Variants in CILP observed in about 807,000 individuals in gnomAD.
CILP encodes the protein cartilage intermediate layer protein, also known as cartilage intermediate layer protein 1.
Under a neutral mutation model 82.5 loss-of-function variants are expected in CILP, and 75 were observed. That is an observed-to-expected ratio of 0.91 (90% confidence interval 0.75 to 1.10). The LOEUF is 1.10. Among genes scored for constraint, CILP ranks in the 50% least tolerant of loss-of-function variants. The pLI, the probability that CILP is intolerant of heterozygous loss-of-function variation, is 0.00. For missense variants in CILP, 1,479 were observed against 1,530.8 expected (o/e 0.97, Z 0.56); for synonymous variants, 530 against 580.3 (o/e 0.91, Z 1.25).
intron 4 of CILP, among the ~76,000 whole-genome samples, chr15:65,206,073 TTATCC>T (rs1465410245): frequency 1.3e-5 from 2 of 152,104 alleles, no homozygotes; most frequent in Non-Finnish European, 2.9e-5. Flanking sequence ...AACATCTGTA[TTATCC>T]ATGGTGGGAG....
At chr15:65,209,636 G>T in intron 2 of CILP, 59 bp downstream of exon 2, 1 of 1,556,426 alleles carries the variant, frequency 6.4e-7, no homozygotes, top group Non-Finnish European at 8.9e-7. Flanking sequence ...TCCCAGACCA[G>T]ACACAACCTC....
rs769387336 is a variant in CILP, at chr15:65,198,223, T to C, written c.2063A>G (p.Lys688Arg). The change falls in exon 9 of 9, where the codon AAG becomes AGG. Residue 688 changes from lysine (K) to arginine (R), a missense_variant. Transcript: ENST00000261883. The part of the protein sequence containing the change: ...VKVHLDSTQV[K>R]MPEHISTVKL... ...CACTGTGGATATGTGCTCTGGCATCTTGACCTGGGTCGAGTCAAGGTGGAC... is the reference window on the plus strand; with the variant it reads ...CACTGTGGATATGTGCTCTGGCATCCTGACCTGGGTCGAGTCAAGGTGGAC... 3 of 1,614,168 alleles carry C rather than the reference T, an allele frequency of 1.9e-6. No homozygotes were observed. The highest frequency in any genetic ancestry group is 4.5e-5 in the East Asian group (2 of 44,902).
intron 8 of CILP, 121 bp downstream of exon 8, chr15:65,201,748 AAAG>A: frequency 3.7e-6 from 2 of 541,358 alleles, no homozygotes; most frequent in Non-Finnish European, 5.6e-6. Context: ...AAAAAAAAAA[AAAG>A]AAAGAAAGAA....
At chr15:65,203,182 T>C (rs1244275667) in intron 7 of CILP, among the ~76,000 whole-genome samples, 180 bp downstream of exon 7, 4 of 152,124 alleles carry the variant, frequency 2.6e-5, no homozygotes, top group Admixed American at 2.6e-4. Context: ...AGCTTGCTGG[T>C]TGTCTGGCTC....
rs560888120 is a variant in CILP, at chr15:65,195,762, G to A, written c.*969C>T. 3.3e-5 allele frequency: 5 copies of A among 152,328 alleles called. No individual in the cohort carries two copies. Among genetic ancestry groups the A allele is most frequent in the South Asian group, 4.1e-4 (2 of 4,830 alleles). 9.4% of individuals were successfully genotyped at this position (152,328 alleles called of 1,614,324 possible). ...AAGAAGGAAAGAAAAAAATCGGGAC[G>A]TGTTTTTAGTCTTGCTCAGGAGCCC... On this transcript the variant is annotated 3_prime_UTR_variant, in exon 9 of 9. Transcript: ENST00000261883.
intron 4 of CILP, among the ~76,000 whole-genome samples, chr15:65,206,002 A>G (rs1034992965): frequency 1.8e-4 from 27 of 152,144 alleles, no homozygotes; most frequent in African/African-American, 6.5e-4. Context: ...GGCCTGGGGG[A>G]TCTTGTGGAA....
In CILP at chr15:65,198,315, A is replaced by G. The variant is rs1424924855; in HGVS notation, c.1971T>C (p.Tyr657=). The change falls in exon 9 of 9, where the codon TAT becomes TAC. Residue 657 remains tyrosine, a synonymous_variant. Coordinates refer to ENST00000261883, the MANE Select transcript of CILP (RefSeq NM_003613.4). ...DEGDTFPLRT[Y]GMFSVDFRDE... is the part of the protein sequence containing the mutation. ...CTCTGAAGTCCACAGAGAACATGCCATACGTCCGAAGGGGGAAAGTGTCTC... is the reference window on the plus strand; with the variant it reads ...CTCTGAAGTCCACAGAGAACATGCCGTACGTCCGAAGGGGGAAAGTGTCTC... 3.7e-6 allele frequency: 6 copies of G among 1,614,232 alleles called. No homozygotes were observed. Among genetic ancestry groups the G allele is most frequent in the African/African-American group, 1.3e-5 (1 of 75,050 alleles).
In CILP at chr15:65,202,430, A is replaced by AT. The variant is rs111303890; in HGVS notation, c.1029-402dup. 4.1e-3 allele frequency among the ~76,000 whole-genome samples: 595 copies of AT among 144,492 alleles called. 1 individual carries two copies. Among genetic ancestry groups the AT allele is most frequent in the East Asian group, 8.2e-3 (41 of 4,988 alleles). The allele number at this position is 144,492 out of a possible 152,430, so 94.8% of individuals were successfully genotyped here. ...CATAAGGGATTCTGCCCTTGTTTGC[A>AT]TTTTTTTTTTTTCCTGAGATGGAGT... is the stretch of plus-strand genomic sequence containing the variant. On this transcript the variant is annotated intron_variant, in intron 7 of 8. Coordinates refer to ENST00000261883, the MANE Select transcript of CILP (RefSeq NM_003613.4).
chr15:65,200,152 C>A (rs180681692), intron 8 of CILP, among the ~76,000 whole-genome samples: 1 of 152,294 alleles, frequency 6.6e-6, no homozygotes, highest in African/African-American at 2.4e-5. Context: ...GGAATACACA[C>A]TATTTTGTAT....
At position 65,202,032 on chromosome 15, in the gene CILP, G is replaced by A; in HGVS notation, c.1029-3C>T. ...CCAGCAATGTGTCATTATGATACCT[G>A]CAAGGGATGGAGAGGTAGAACCTGA... On this transcript the variant is annotated splice_polypyrimidine_tract_variant and splice_region_variant and intron_variant, in intron 7 of 8. Coordinates refer to ENST00000261883, the MANE Select transcript of CILP (RefSeq NM_003613.4). The A allele has an allele frequency of 1.3e-6, 2 of 1,571,106 alleles. No homozygotes were observed. The highest frequency in any genetic ancestry group is 1.2e-5 in the South Asian group (1 of 84,538).
At chr15:65,210,777 GA>G (rs1043166117) in intron 1 of CILP, among the ~76,000 whole-genome samples, 1 of 152,160 alleles carries the variant, frequency 6.6e-6, no homozygotes, top group Admixed American at 6.6e-5. Flanking sequence ...TCCAGGGGAA[GA>G]AAAAACCAGT....
At position 65,197,128 on chromosome 15, in the gene CILP, G is replaced by A; in HGVS notation, c.3158C>T (p.Ala1053Val). The A allele has an allele frequency of 6.2e-7, 1 of 1,613,906 alleles. No homozygotes were observed. Among genetic ancestry groups the A allele is most frequent in the East Asian group, 2.2e-5 (1 of 44,856 alleles). Reference sequence around the variant, plus strand: ...GTACTCACTGGTGTCGTTGTTGACTGCAAGTGGCAAGTGGTTGACCAGGTA... The same window carrying A: ...GTACTCACTGGTGTCGTTGTTGACTACAAGTGGCAAGTGGTTGACCAGGTA... The part of the protein sequence containing the change: ...HEYLVNHLPL[A>V]VNNDTSEYTM... The change falls in exon 9 of 9, where the codon GCA becomes GTA. Residue 1053 changes from alanine to valine, a missense_variant. Coordinates refer to ENST00000261883, the MANE Select transcript of CILP (RefSeq NM_003613.4).
chr15:65,197,073 G>A lies in CILP; in HGVS notation c.3213C>T (p.Gly1071=). 1 of 1,613,922 alleles carries A rather than the reference G, an allele frequency of 6.2e-7. No individual in the cohort carries two copies. The highest frequency in any genetic ancestry group is 8.5e-7 in the Non-Finnish European group (1 of 1,179,982). The change falls in exon 9 of 9, where the codon GGC becomes GGT. Residue 1071 remains glycine, a synonymous_variant. Coordinates refer to ENST00000261883, the MANE Select transcript of CILP (RefSeq NM_003613.4). ...YTMLAPLDPL[G]HNYGIYTVTD... ...TGACAGTGTAGATGCCATAGTTGTG[G>A]CCCAGTGGGTCCAAGGGTGCCAGCA...
Position 65,204,601 on chromosome 15 carries a change from T to TA in CILP, c.605-20dup. 1 of 1,576,852 alleles carries TA rather than the reference T, an allele frequency of 6.3e-7. No homozygotes were observed. The highest frequency in any genetic ancestry group is 1.2e-5 in the South Asian group (1 of 85,530). On this transcript the variant is annotated intron_variant, in intron 5 of 8. Transcript: ENST00000261883. ...TCACAGGCTGTGGAACAAGGGGCCA[T>TA]ATCAGCAGGGATTCTATGGATTCTG... is the stretch of plus-strand genomic sequence containing the variant.
chr15:65,199,198 G>GATTATACTTT, intron 8 of CILP, 99 bp from the exon 9 acceptor site: 1 of 789,704 alleles, frequency 1.3e-6, no homozygotes, highest in Non-Finnish European at 2.0e-6. Flanking sequence ...GGTTTTCAAA[G>GATTATACTTT]GACTTGTATA....
In CILP at chr15:65,202,027, T is replaced by C. The variant is rs1199339089; in HGVS notation, c.1031A>G (p.Tyr344Cys). The C allele has an allele frequency of 8.9e-6, 14 of 1,578,432 alleles. 1 individual carries two copies. Among genetic ancestry groups the C allele is most frequent in the Non-Finnish European group, 1.2e-5 (14 of 1,162,904 alleles). Residue 344 changes from tyrosine to cysteine, a missense_variant and splice_region_variant, in exon 8 of 9, where the codon TAT (tyrosine) becomes TGT (cysteine). Tyr to Cys is a radical substitution (Grantham distance 194, BLOSUM62 -2). Transcript: ENST00000261883. ...AGGATCCAGCAATGTGTCATTATGA[T>C]ACCTGCAAGGGATGGAGAGGTAGAA... Reference protein sequence around the residue: ...GKPRPDKYFWYHNDTLLDPSL... With the variant: ...GKPRPDKYFWCHNDTLLDPSL...
rs896009155 is a variant in CILP at position 65,195,360 on chromosome 15, T to G, written c.*1371A>C. ...CTGACAGATTCTGGAGGGGTTGGGA[T>G]AGGGGCAGTGAGTGCATCCTATCCA... On this transcript the variant is annotated 3_prime_UTR_variant, in exon 9 of 9. Transcript: ENST00000261883. The G allele has an allele frequency of 5.3e-5, 8 of 152,190 alleles. No individual in the cohort carries two copies. Among genetic ancestry groups the G allele is most frequent in the Non-Finnish European group, 8.8e-5 (6 of 68,088 alleles). The allele number at this position is 152,190 out of a possible 1,614,324, so 9.4% of individuals were successfully genotyped here.
At chr15:65,201,334 A>G (rs1461264268) in intron 8 of CILP, among the ~76,000 whole-genome samples, 1 of 151,932 alleles carries the variant, frequency 6.6e-6, no homozygotes, top group African/African-American at 2.4e-5. Context: ...TTTGTCGCTT[A>G]TTTACATGTC....
chr15:65,200,618 C>T lies in CILP; in HGVS notation c.1186+1254G>A, dbSNP rs570639854. Among the ~76,000 whole-genome samples, 31 of 152,246 alleles carry T rather than the reference C, an allele frequency of 2.0e-4. 1 individual carries two copies. In the South Asian group the frequency reaches 6.0e-3, roughly 30 times the overall value. On this transcript the variant is annotated intron_variant, in intron 8 of 8. Transcript: ENST00000261883. The stretch of plus-strand genomic sequence containing the variant: ...TGTAAAGCCCCCTCAGTTCCCACTT[C>T]TATATCTTTACCCATGCTGGCCCCT...
Sources: gnomAD v4.1 joint callset for allele counts (sites outside exome capture counted in the v4.1 genomes callset) on GRCh38, gnomAD v4.1.1 for gene constraint, MANE v1.5 for transcripts, NCBI Gene and HGNC (gene_info 2026-07-23, HGNC 2026-07-21) for gene names.